Variants in ROBO3 observed in about 807,000 individuals in gnomAD.
ROBO3 encodes roundabout guidance receptor 3, also known as roundabout homolog 3.
Under a neutral mutation model 160.5 loss-of-function variants are expected in ROBO3, and 97 were observed. The observed-to-expected ratio is 0.60, with a 90% confidence interval of 0.51 to 0.72. ROBO3 has a LOEUF of 0.72. Ranked by LOEUF, ROBO3 falls within the 30% of genes least tolerant of loss-of-function variation. The pLI, the probability that ROBO3 is intolerant of heterozygous loss-of-function variation, is 0.00. For missense variants in ROBO3, 1,858 were observed against 1,846.5 expected (o/e 1.01, Z -0.11); for synonymous variants, 780 against 746.2 (o/e 1.05, Z -0.74).
In ROBO3 at chr11:124,877,925, T is replaced by C; in HGVS notation, c.2987-12T>C. ...GTCTCTGCTTCCGGGCCTCCCTCTTTCTTCTCTGCAGAAGCGGGAATCTCC... is the reference window on the plus strand; with the variant it reads ...GTCTCTGCTTCCGGGCCTCCCTCTTCCTTCTCTGCAGAAGCGGGAATCTCC... On this transcript the variant is annotated splice_polypyrimidine_tract_variant and intron_variant, in intron 20 of 27. Coordinates refer to ENST00000397801, the MANE Select transcript of ROBO3 (RefSeq NM_022370.4). 1 of 1,577,762 alleles carries C rather than the reference T, an allele frequency of 6.3e-7. No individual in the cohort carries two copies. Among genetic ancestry groups the C allele is most frequent in the Middle Eastern group, 1.7e-4 (1 of 6,010 alleles).
intron 5 of ROBO3, 119 bp from the exon 6 acceptor site, chr11:124,870,482 C>A: frequency 5.2e-6 from 8 of 1,526,514 alleles, no homozygotes; most frequent in Non-Finnish European, 7.1e-6. Flanking sequence ...GGGTAACCAG[C>A]TTCTGTCCCT....
chr11:124,875,229 T>A lies in ROBO3; in HGVS notation c.2192T>A (p.Leu731Gln). ...TCCCCAAGCCAGCAAAGTACTGTGCTAAGAGGACTCCCTCCAGGGACCCAA... is the reference window on the plus strand; with the variant it reads ...TCCCCAAGCCAGCAAAGTACTGTGCAAAGAGGACTCCCTCCAGGGACCCAA... ...LQSPSQQSTV[L>Q]RGLPPGTQIQ... The change falls in exon 14 of 28, where the codon CTA becomes CAA. Residue 731 changes from leucine to glutamine, a missense_variant. Physicochemically the swap from Leu to Gln is moderately radical, Grantham distance 113. Transcript: ENST00000397801. The A allele has an allele frequency of 6.2e-7, 1 of 1,613,530 alleles. No individual in the cohort carries two copies. The highest frequency in any genetic ancestry group is 2.2e-5 in the East Asian group (1 of 44,848).
At chr11:124,866,795 G>T (rs1207378555) in intron 1 of ROBO3, among the ~76,000 whole-genome samples, 1 of 152,116 alleles carries the variant, frequency 6.6e-6, no homozygotes, top group Admixed American at 6.5e-5. Context: ...GGAATTAGGG[G>T]GAAAAGGCCG....
Position 124,873,388 on chromosome 11 carries a change from C to T in ROBO3, c.1615C>T (p.Arg539Trp), listed in dbSNP as rs139930558. ...EATWSGWLKM[R>W]EDWGVSPDPP... ...CACATGGAGCGGCTGGCTTAAGATGCGGGGTGAGTTTTTTCTTTCTTCCCT... is the reference window on the plus strand; with the variant it reads ...CACATGGAGCGGCTGGCTTAAGATGTGGGGTGAGTTTTTTCTTTCTTCCCT... Residue 539 changes from arginine to tryptophan, a missense_variant, in exon 10 of 28, where the codon CGG (arginine) becomes TGG (tryptophan). Arg to Trp is a moderately radical substitution (Grantham distance 101). Transcript: ENST00000397801. The surrounding 1 kb of genome is among the most constrained non-coding windows in gnomAD (Gnocchi z 4.5). 3,484 of 1,610,618 alleles carry T rather than the reference C, an allele frequency of 2.2e-3. 19 individuals carry two copies. The highest frequency in any genetic ancestry group is 0.012 in the African/African-American group (889 of 74,978).
At position 124,872,667 on chromosome 11, in the gene ROBO3, C is replaced by A; in HGVS notation, c.1330+115C>A. ...TGTCTGCAAGAGGAGAGATGTGTTC[C>A]TGAGGCATGACCTTGAAGTTTGGAA... On this transcript the variant is annotated intron_variant, in intron 8 of 27. Coordinates refer to ENST00000397801, the MANE Select transcript of ROBO3 (RefSeq NM_022370.4). The surrounding 1 kb of genome is among the most constrained non-coding windows in gnomAD (Gnocchi z 4.3). 1 of 1,165,186 alleles carries A rather than the reference C, an allele frequency of 8.6e-7. No individual in the cohort carries two copies. The highest frequency in any genetic ancestry group is 1.2e-6 in the Non-Finnish European group (1 of 838,734). The allele number at this position is 1,165,186 out of a possible 1,614,324, so 72.2% of individuals were successfully genotyped here.
chr11:124,876,599 G>C lies in ROBO3; in HGVS notation c.2779+139G>C. Reference sequence around the variant, plus strand: ...ACCTGGAGTTCAGCCTCTTGGGTAGGGGCGGGATACGTGGGGCGACTCGAG... The same window carrying C: ...ACCTGGAGTTCAGCCTCTTGGGTAGCGGCGGGATACGTGGGGCGACTCGAG... On this transcript the variant is annotated intron_variant, in intron 17 of 27. Transcript: ENST00000397801. The surrounding 1 kb of genome is among the most constrained non-coding windows in gnomAD (Gnocchi z 5.3). 5.7e-6 allele frequency: 4 copies of C among 705,504 alleles called. No homozygotes were observed. Among genetic ancestry groups the C allele is most frequent in the Non-Finnish European group, 8.3e-6 (4 of 481,764 alleles). The allele number at this position is 705,504 out of a possible 1,614,324, so 43.7% of individuals were successfully genotyped here.
Position 124,877,591 on chromosome 11 carries a change from C to A in ROBO3, c.2919C>A (p.Pro973=), listed in dbSNP as rs758960044. Residue 973 remains proline (P), a synonymous_variant, in exon 20 of 28, where the codon CCC becomes CCA. Coordinates refer to ENST00000397801, the MANE Select transcript of ROBO3 (RefSeq NM_022370.4). ...ADSWPHPSRS[P]SAQEPRGSCC... ...CGTGGCCCCACCCATCTCGAAGCCCCTCGGCCCAGGAACCCAGGGGAAGCT... is the reference window on the plus strand; with the variant it reads ...CGTGGCCCCACCCATCTCGAAGCCCATCGGCCCAGGAACCCAGGGGAAGCT... The A allele has an allele frequency of 6.2e-7, 1 of 1,607,360 alleles. No individual in the cohort carries two copies. Among genetic ancestry groups the A allele is most frequent in the Non-Finnish European group, 8.5e-7 (1 of 1,177,248 alleles).
chr11:124,880,055 A>T (rs1405743044), intron 26 of ROBO3, 107 bp downstream of exon 26: 5 of 1,131,962 alleles, frequency 4.4e-6, no homozygotes, highest in Non-Finnish European at 6.1e-6. Flanking sequence ...AGTTAGGTTC[A>T]TGCATTTGAT....
chr11:124,871,602 C>G (rs1422841707), intron 7 of ROBO3, among the ~76,000 whole-genome samples: 1 of 152,294 alleles, frequency 6.6e-6, no homozygotes, highest in East Asian at 1.9e-4. Context: ...ACAGTCATCC[C>G]TTTTGAACCT....
At position 124,869,433 on chromosome 11, in the gene ROBO3, C is replaced by CCCCCCCCCCCCCCCCCCTCCT; in HGVS notation, c.488-15_488-14insCCCCCCCCCCCCCCCTCCTCC. 1 of 1,317,818 alleles carries CCCCCCCCCCCCCCCCCCTCCT rather than the reference C, an allele frequency of 7.6e-7. No individual in the cohort carries two copies. Among genetic ancestry groups the CCCCCCCCCCCCCCCCCCTCCT allele is most frequent in the Non-Finnish European group, 1.1e-6 (1 of 937,242 alleles). The allele number at this position is 1,317,818 out of a possible 1,614,324, so 81.6% of individuals were successfully genotyped here. A position where few individuals can be genotyped will look rare whatever the true frequency, so the allele number is the denominator to read the frequency against. The stretch of plus-strand genomic sequence containing the variant: ...ACTCTACACCCTGCTTATTTCGCCC[C>CCCCCCCCCCCCCCCCCCTCCT]CCACCGCCCCGCCCAGTCCTCCGTG... On this transcript the variant is annotated splice_polypyrimidine_tract_variant and intron_variant, in intron 2 of 27. Transcript: ENST00000397801. The surrounding 1 kb of genome is among the most constrained non-coding windows in gnomAD (Gnocchi z 4.2).
At chr11:124,877,696 C>G (rs1357351377) in intron 20 of ROBO3, 38 bp downstream of exon 20, 1 of 1,604,178 alleles carries the variant, frequency 6.2e-7, no homozygotes, top group East Asian at 2.2e-5. Context: ...CTTCAGCGCA[C>G]TTCTCCCGAC....
Position 124,876,314 on chromosome 11 carries a change from C to CG in ROBO3, c.2637dup (p.Leu880AlafsTer106), listed in dbSNP as rs1388410133. 26 of 1,443,102 alleles carry CG rather than the reference C, an allele frequency of 1.8e-5. No homozygotes were observed. Among genetic ancestry groups the CG allele is most frequent in the Non-Finnish European group, 2.3e-5 (25 of 1,110,390 alleles). The allele number at this position is 1,443,102 out of a possible 1,614,324, so 89.4% of individuals were successfully genotyped here. A position where few individuals can be genotyped will look rare whatever the true frequency, so the allele number is the denominator to read the frequency against. ...CTGGAGCCCGGGCTGGAGGTGGGCG[C>CG]GGGGCTGGCGGTGCGGCTGGCGAGG... On this transcript the variant is annotated frameshift_variant, in exon 17 of 28. Transcript: ENST00000397801. LOFTEE classifies it high-confidence loss of function. The surrounding 1 kb of genome is among the most constrained non-coding windows in gnomAD (Gnocchi z 5.3).
Position 124,873,632 on chromosome 11 carries a change from G to C in ROBO3, c.1619-65G>C, listed in dbSNP as rs542297647. ...AGAGCTCCATAGCTCCCCTGGTAAG[G>C]AGACAGGTTACACTAGGATTATCCT... On this transcript the variant is annotated intron_variant, in intron 10 of 27. Coordinates refer to ENST00000397801, the MANE Select transcript of ROBO3 (RefSeq NM_022370.4). This position sits in a 1 kb window ranked among gnomAD's most constrained non-coding sequence, Gnocchi z 4.5. The C allele has an allele frequency of 8.0e-5, 116 of 1,457,342 alleles. 2 individuals are homozygous for C. The South Asian group carries it at 1.4e-3, about 17-fold the overall frequency. The allele number at this position is 1,457,342 out of a possible 1,614,324, so 90.3% of individuals were successfully genotyped here.
At chr11:124,880,630 A>G (rs1025281269) in intron 27 of ROBO3, 22 bp downstream of exon 27, 2 of 1,514,970 alleles carry the variant, frequency 1.3e-6, no homozygotes, top group African/African-American at 1.4e-5. Flanking sequence ...AGATTGCAGA[A>G]AAATGAGGGC....
At chr11:124,877,370 C>T in intron 19 of ROBO3, 61 bp downstream of exon 19, 1 of 1,604,014 alleles carries the variant, frequency 6.2e-7, no homozygotes, top group Non-Finnish European at 8.5e-7. Context: ...CTTCTTCCGC[C>T]CCGCTGACGC....
At position 124,878,419 on chromosome 11, in the gene ROBO3, G is replaced by A. The variant is rs761109995; in HGVS notation, c.3303G>A (p.Glu1101=). The A allele has an allele frequency of 3.1e-6, 5 of 1,613,470 alleles. No individual in the cohort carries two copies. In the East Asian group the frequency reaches 8.9e-5, roughly 29 times the overall value. Residue 1101 remains glutamate (E), a synonymous_variant, in exon 22 of 28, where the codon GAG becomes GAA. Coordinates refer to ENST00000397801, the MANE Select transcript of ROBO3 (RefSeq NM_022370.4). This position sits in a 1 kb window ranked among gnomAD's most constrained non-coding sequence, Gnocchi z 4.3. ...SCELSCLEGP[E]EELEGSSEPE... is the part of the protein sequence containing the mutation. ...AACTGAGCTGCCTAGAAGGGCCGGA[G>A]GAGGAGCTGGAGGGCAGGTAGAGAT...
At chr11:124,877,018 G>A (rs1459830513) in intron 17 of ROBO3, 143 bp from the exon 18 acceptor site, 1 of 945,704 alleles carries the variant, frequency 1.1e-6, no homozygotes, top group Non-Finnish European at 1.7e-6. Flanking sequence ...TCCCACCCCC[G>A]AGAAATTCTG....
Position 124,875,223 on chromosome 11 carries a change from C to T in ROBO3, c.2186C>T (p.Thr729Ile). ...CTACAGTCCCCAAGCCAGCAAAGTA[C>T]TGTGCTAAGAGGACTCCCTCCAGGG... ...LDLQSPSQQS[T>I]VLRGLPPGTQ... Residue 729 changes from threonine (T) to isoleucine (I), a missense_variant, in exon 14 of 28, where the codon ACT becomes ATT. Transcript: ENST00000397801. 1.2e-6 allele frequency: 2 copies of T among 1,613,908 alleles called. No individual in the cohort carries two copies. The highest frequency in any genetic ancestry group is 1.7e-6 in the Non-Finnish European group (2 of 1,179,864).
intron 6 of ROBO3, 91 bp downstream of exon 6, chr11:124,870,819 G>A: frequency 1.3e-6 from 2 of 1,559,538 alleles, no homozygotes; most frequent in Non-Finnish European, 1.7e-6. Context: ...AAAGGGCAGA[G>A]AAGGGCATGT....
Sources: gnomAD v4.1 joint callset for allele counts (sites outside exome capture counted in the v4.1 genomes callset) on GRCh38, gnomAD v4.1.1 for gene constraint, Gnocchi (gnomAD v3.1) non-coding constraint, MANE v1.5 for transcripts, NCBI Gene and HGNC (gene_info 2026-07-23, HGNC 2026-07-21) for gene names.